The following AUTS2 variants were observed in gnomAD, a reference collection of about 807,000 sequenced individuals.
AUTS2 encodes the protein activator of transcription and developmental regulator AUTS2, also known as autism susceptibility gene 2 protein.
In AUTS2, 17 loss-of-function variants were observed where a neutral mutation model predicts 112.4. The ratio of observed to expected loss-of-function variants is 0.15; its 90% CI spans 0.10 to 0.23. The LOEUF is 0.23. Among genes scored for constraint, AUTS2 ranks in the 10% least tolerant of loss-of-function variants. AUTS2 has a pLI of 1.00. For synonymous variants in AUTS2, 751 were observed against 702.7 expected (o/e 1.07, Z -1.09); for missense variants, 1,510 against 1,701.6 (o/e 0.89, Z 1.98).
chr7:69,649,420 A>T (rs186799887), intron 1 of AUTS2, among the ~76,000 whole-genome samples: 71 of 151,896 alleles, frequency 4.7e-4, no homozygotes, highest in Non-Finnish European at 8.8e-5. Flanking sequence ...CTGTTCCTTA[A>T]CTCTTAAAGA....
At chr7:70,033,597 A>G (rs1174525565) in intron 2 of AUTS2, among the ~76,000 whole-genome samples, 3 of 152,206 alleles carry the variant, frequency 2.0e-5, no homozygotes, top group Non-Finnish European at 4.4e-5. Flanking sequence ...GCAGAGACTA[A>G]TAAGGAGAGA....
At chr7:69,760,203 T>TC (rs1464308897) in intron 1 of AUTS2, among the ~76,000 whole-genome samples, 30 of 148,468 alleles carry the variant, frequency 2.0e-4, no homozygotes, top group Admixed American at 1.9e-3. Context: ...TTTTCTTTTT[T>TC]TTTTTTTTTT....
chr7:70,334,485 T>C (rs1790901592), intron 4 of AUTS2, among the ~76,000 whole-genome samples: 1 of 152,116 alleles, frequency 6.6e-6, no homozygotes, highest in Admixed American at 6.6e-5. Flanking sequence ...TAAATCACTG[T>C]GTAGAGTATT....
intron 1 of AUTS2, among the ~76,000 whole-genome samples, chr7:69,819,684 C>G (rs1253001944): frequency 6.6e-6 from 1 of 152,174 alleles, no homozygotes; most frequent in Non-Finnish European, 1.5e-5. Context: ...GTGGTGCGAA[C>G]ATGGCTCACT....
chr7:70,570,252 G>A (rs1801883005), intron 5 of AUTS2, among the ~76,000 whole-genome samples: 1 of 152,156 alleles, frequency 6.6e-6, no homozygotes, highest in Admixed American at 6.5e-5. Context: ...GTTGGGCTTG[G>A]TTGTCAGCTC....
chr7:70,413,027 G>A (rs138491577), intron 4 of AUTS2, among the ~76,000 whole-genome samples: 127 of 152,234 alleles, frequency 8.3e-4, no homozygotes, highest in Non-Finnish European at 1.6e-3. Context: ...TATAATGTAT[G>A]TCCCAGCCAC....
At chr7:70,747,926 A>G (rs1419609503) in intron 6 of AUTS2, among the ~76,000 whole-genome samples, 2 of 149,326 alleles carry the variant, frequency 1.3e-5, no homozygotes, top group South Asian at 4.2e-4. Context: ...GGTTCACGCC[A>G]TTGTCCTGCC....
intron 5 of AUTS2, among the ~76,000 whole-genome samples, chr7:70,490,518 A>G (rs1291573503): frequency 6.6e-6 from 1 of 151,978 alleles, no homozygotes; most frequent in Non-Finnish European, 1.5e-5. Context: ...GTGACCCAGG[A>G]CCTGTGTACA....
chr7:70,129,137 C>T (rs535417639), intron 3 of AUTS2, among the ~76,000 whole-genome samples: 1 of 151,832 alleles, frequency 6.6e-6, no homozygotes, highest in East Asian at 1.9e-4. Context: ...GCTGACAAGT[C>T]CCAAGATCTA....
chr7:69,803,425 T>C (rs1205904109), intron 1 of AUTS2, among the ~76,000 whole-genome samples: 1 of 152,142 alleles, frequency 6.6e-6, no homozygotes, highest in Non-Finnish European at 1.5e-5. Context: ...TCTATAATGA[T>C]GTTGGATTGC....
chr7:70,505,816 C>T (rs1016954881), intron 5 of AUTS2, among the ~76,000 whole-genome samples: 36 of 152,216 alleles, frequency 2.4e-4, no homozygotes, highest in African/African-American at 8.2e-4. Flanking sequence ...TCTCTGCCAA[C>T]TTGTCCCCAA....
In AUTS2 at chr7:70,356,305, A is replaced by T. The variant is rs186493163; in HGVS notation, c.661-79447A>T. Among the ~76,000 whole-genome samples the T allele has an allele frequency of 4.2e-3, 634 of 152,310 alleles. 9 individuals are homozygous for T. The highest frequency in any genetic ancestry group is 0.014 in the African/African-American group (594 of 41,568). ...TCTCTTTGGAGGATCAAGTTGCTTT[A>T]TATCAATAGACTGAAGTACTAGGGG... On this transcript the variant is annotated intron_variant, in intron 4 of 18. Transcript: ENST00000342771.
chr7:70,160,498 G>C (rs1051756290), intron 4 of AUTS2, among the ~76,000 whole-genome samples: 1 of 152,190 alleles, frequency 6.6e-6, no homozygotes, highest in Non-Finnish European at 1.5e-5. Flanking sequence ...GCCAAAGTTA[G>C]TCTCATAGAT....
At chr7:69,973,492 A>T (rs568209836) in intron 2 of AUTS2, among the ~76,000 whole-genome samples, 134 of 152,252 alleles carry the variant, frequency 8.8e-4, no homozygotes, top group Non-Finnish European at 1.6e-3. Context: ...GAGAGTGAAT[A>T]TCCTTGTCTT....
At chr7:69,873,945 G>A (rs943294249) in intron 1 of AUTS2, among the ~76,000 whole-genome samples, 2 of 152,184 alleles carry the variant, frequency 1.3e-5, no homozygotes, top group Non-Finnish European at 2.9e-5. Context: ...ATTGGTAATT[G>A]GTTGGAAAAG....
chr7:70,004,809 C>CTTTA (rs35522970), intron 2 of AUTS2, among the ~76,000 whole-genome samples: 25,056 of 149,308 alleles, frequency 0.17, 2,745 homozygotes, highest in African/African-American at 0.31. Context: ...GAATTAATGA[C>CTTTA]TTTATTTATT....
chr7:70,002,821 T>C (rs1260486417), intron 2 of AUTS2, among the ~76,000 whole-genome samples: 1 of 152,114 alleles, frequency 6.6e-6, no homozygotes, highest in African/African-American at 2.4e-5. Flanking sequence ...ATACTGTTAA[T>C]GTTCACATTC....
At chr7:70,424,691 A>G (rs944018744) in intron 4 of AUTS2, among the ~76,000 whole-genome samples, 12 of 152,124 alleles carry the variant, frequency 7.9e-5, no homozygotes, top group East Asian at 1.9e-4. Flanking sequence ...GGCTCAAGCA[A>G]TCCTCTCACA....
chr7:70,310,117 T>G (rs1789668159), intron 4 of AUTS2, among the ~76,000 whole-genome samples: 1 of 151,494 alleles, frequency 6.6e-6, no homozygotes, highest in Non-Finnish European at 1.5e-5. Context: ...TAAAGGGAGA[T>G]GAAAACAAAC....
Sources: gnomAD v4.1 joint callset for allele counts (sites outside exome capture counted in the v4.1 genomes callset) on GRCh38, gnomAD v4.1.1 for gene constraint, MANE v1.5 for transcripts, NCBI Gene and HGNC (gene_info 2026-07-23, HGNC 2026-07-21) for gene names.